NOSTRIN: variants seen among roughly 807,000 people sequenced by gnomAD.
NOSTRIN encodes nitric oxide synthase trafficking.
NOSTRIN carries 63 observed loss-of-function variants against 59.0 expected under a neutral mutation model. The ratio of observed to expected loss-of-function variants is 1.07; its 90% confidence interval spans 0.87 to 1.32. The LOEUF (loss-of-function observed/expected upper bound fraction) is 1.32, where lower values mean the gene tolerates loss of function less well. Ranked by LOEUF, NOSTRIN falls within the 40% of genes most tolerant of loss-of-function variation. The pLI, the probability that NOSTRIN is intolerant of heterozygous loss-of-function variation, is 0.00. For synonymous variants in NOSTRIN, 200 were observed against 165.4 expected (o/e 1.21, Z -1.61); for missense variants, 512 against 473.1 (o/e 1.08, Z -0.76).
intron 8 of NOSTRIN, among the ~76,000 whole-genome samples, chr2:168,847,639 C>T (rs368976491): frequency 3.9e-5 from 6 of 152,236 alleles, no homozygotes; most frequent in African/African-American, 9.6e-5. Context: ...GGGCCCCAGA[C>T]AGGCTCTAAA....
intron 3 of NOSTRIN, among the ~76,000 whole-genome samples, chr2:168,826,965 G>A (rs758832682): frequency 3.3e-5 from 5 of 151,932 alleles, no homozygotes; most frequent in Non-Finnish European, 5.9e-5. Flanking sequence ...TCCTGTAATT[G>A]TAAGTATATA....
At chr2:168,842,054 C>A (rs1386274541) in intron 7 of NOSTRIN, among the ~76,000 whole-genome samples, 1 of 152,126 alleles carries the variant, frequency 6.6e-6, no homozygotes, top group Non-Finnish European at 1.5e-5. Flanking sequence ...TACAGTCAGA[C>A]AAGGTAGGTC....
At chr2:168,806,056 A>G (rs1250143577) in intron 1 of NOSTRIN, among the ~76,000 whole-genome samples, 3 of 152,178 alleles carry the variant, frequency 2.0e-5, no homozygotes, top group Non-Finnish European at 2.9e-5. Context: ...ACAGTCTGCC[A>G]CAGGGATTCC....
upstream of NOSTRIN, chr2:168,802,318 G>T (rs752702282): frequency 3.4e-6 from 1 of 296,302 alleles, no homozygotes; most frequent in Non-Finnish European, 6.6e-6. Flanking sequence ...GTCAGACCAA[G>T]CGCAAGAATT....
Position 168,840,650 on chromosome 2 carries a change from C to T in NOSTRIN, c.505-2342C>T, listed in dbSNP as rs374594222. Among the ~76,000 whole-genome samples the T allele has an allele frequency of 9.9e-5, 15 of 151,140 alleles. No homozygotes were observed. The East Asian group carries it at 1.4e-3, about 14-fold the overall frequency. On this transcript the variant is annotated intron_variant, in intron 7 of 15. Transcript: ENST00000317647. Reference sequence around the variant, plus strand: ...GGAATAATAAAGTGAATGGTATTAACGTTCAACATTTTGGATGAATGTTTT... The same window carrying T: ...GGAATAATAAAGTGAATGGTATTAATGTTCAACATTTTGGATGAATGTTTT...
In NOSTRIN at chr2:168,834,507, G is replaced by GCGCGCGCACA. The variant is rs756381301; in HGVS notation, c.504+183_504+184insGCGCGCACAC. Among the ~76,000 whole-genome samples the GCGCGCGCACA allele has an allele frequency of 3.3e-3, 410 of 125,396 alleles. 1 individual carries two copies. The highest frequency in any genetic ancestry group is 5.0e-3 in the African/African-American group (164 of 32,742). The allele number at this position is 125,396 out of a possible 152,430, so 82.3% of individuals were successfully genotyped here. On this transcript the variant is annotated intron_variant, in intron 7 of 15. Coordinates refer to ENST00000317647, the MANE Select transcript of NOSTRIN (RefSeq NM_001039724.4). Reference sequence around the variant, plus strand: ...TACTGGCGTGCGCGCGCGCGCGCGCGCACACACACACACACACACACACAC... The same window carrying GCGCGCGCACA: ...TACTGGCGTGCGCGCGCGCGCGCGCGCGCGCGCACACACACACACACACACACACACACAC...
In NOSTRIN at chr2:168,856,929, G is replaced by A. The variant is rs916185449; in HGVS notation, c.1053+151G>A. ...GGAGCTTATAGGGTCAGCTTCATAA[G>A]TCATTTGAGGGATCTGGAAAAATAC... On this transcript the variant is annotated intron_variant, in intron 12 of 15. Coordinates refer to ENST00000317647, the MANE Select transcript of NOSTRIN (RefSeq NM_001039724.4). 2.3e-5 allele frequency: 15 copies of A among 661,708 alleles called. No individual in the cohort carries two copies. The African/African-American group carries it at 2.7e-4, about 12-fold the overall frequency. 41.0% of individuals were successfully genotyped at this position (661,708 alleles called of 1,614,324 possible).
upstream of NOSTRIN, among the ~76,000 whole-genome samples, chr2:168,800,065 T>C (rs556769178): frequency 2.2e-4 from 33 of 152,334 alleles, no homozygotes; most frequent in East Asian, 6.2e-3. Context: ...CCACTCACTC[T>C]TGTGGCTCCT....
At chr2:168,797,953 A>G (rs1209542194), upstream of NOSTRIN, among the ~76,000 whole-genome samples, 2 of 152,178 alleles carry the variant, frequency 1.3e-5, no homozygotes, top group Non-Finnish European at 2.9e-5. Flanking sequence ...ATACCCCCTC[A>G]TATCAAAATC....
At chr2:168,859,446 T>C in intron 12 of NOSTRIN, 66 bp from the exon 13 acceptor site, 1 of 1,588,078 alleles carries the variant, frequency 6.3e-7, no homozygotes, top group East Asian at 2.3e-5. Flanking sequence ...GTTATTCTGA[T>C]ATTCCTATCC....
At chr2:168,805,213 C>T (rs968383425) in intron 1 of NOSTRIN, among the ~76,000 whole-genome samples, 5 of 152,130 alleles carry the variant, frequency 3.3e-5, no homozygotes, top group African/African-American at 9.7e-5. Flanking sequence ...GGCCTTTCAA[C>T]CTCAAAGAGC....
intron 15 of NOSTRIN, among the ~76,000 whole-genome samples, 174 bp downstream of exon 15, chr2:168,862,223 G>A (rs1452599905): frequency 6.6e-6 from 1 of 152,156 alleles, no homozygotes; most frequent in Non-Finnish European, 1.5e-5. Flanking sequence ...AATAGCTAAC[G>A]CTTATTCTGT....
chr2:168,821,614 A>G (rs1309314890), intron 2 of NOSTRIN, among the ~76,000 whole-genome samples: 1 of 152,262 alleles, frequency 6.6e-6, no homozygotes, highest in Non-Finnish European at 1.5e-5. Flanking sequence ...ACAGTAAGAC[A>G]TAAATAAAAC....
chr2:168,863,465 CGGGGGCAGATGATCCTGAA>C (rs1172614477), intron 15 of NOSTRIN: 10 of 984,992 alleles, frequency 1.0e-5, no homozygotes, highest in South Asian at 4.7e-5. Flanking sequence ...TGGATCCTGA[CGGGGGCAGATGATCCTGAA>C]GGGGGCAGAT....
chr2:168,863,736 A>C, intron 15 of NOSTRIN: 4 of 842,056 alleles, frequency 4.8e-6, no homozygotes, highest in Non-Finnish European at 5.7e-6. Flanking sequence ...TGATCTTAAG[A>C]AAAGACTGTT....
At chr2:168,834,507 G>GCGCACACACACA (rs756381301) in intron 7 of NOSTRIN, among the ~76,000 whole-genome samples, 182 bp downstream of exon 7, 7,409 of 124,966 alleles carry the variant, frequency 0.059, 288 homozygotes, top group Non-Finnish European at 0.082. Context: ...GCGCGCGCGC[G>GCGCACACACACA]CACACACACA....
intron 2 of NOSTRIN, among the ~76,000 whole-genome samples, chr2:168,815,318 C>T (rs755715302): frequency 2.0e-5 from 3 of 152,228 alleles, no homozygotes; most frequent in Non-Finnish European, 4.4e-5. Context: ...AACATAGCAG[C>T]TCCTAGAATG....
intron 2 of NOSTRIN, 149 bp from the exon 3 acceptor site, chr2:168,824,485 G>C (rs1275926016): frequency 1.9e-6 from 1 of 530,774 alleles, no homozygotes; most frequent in African/African-American, 2.0e-5. Flanking sequence ...TTTTAGTAGA[G>C]ACTGGGTTTC....
At chr2:168,820,435 C>T (rs1686665278) in intron 2 of NOSTRIN, among the ~76,000 whole-genome samples, 1 of 152,174 alleles carries the variant, frequency 6.6e-6, no homozygotes, top group South Asian at 2.1e-4. Flanking sequence ...CTAGGGAGAA[C>T]ACAGGTCAAG....
Sources: allele counts gnomAD v4.1 joint callset (sites outside exome capture counted in the v4.1 genomes callset), GRCh38; gene constraint gnomAD v4.1.1; transcripts MANE v1.5; gene names NCBI Gene and HGNC (gene_info 2026-07-23, HGNC 2026-07-21).